The following CPNE8 variants were observed in gnomAD, a reference collection of about 807,000 sequenced individuals.
CPNE8 encodes the protein copine-8.
A neutral mutation model predicts 81.5 loss-of-function variants in CPNE8; 45 were observed. That is an observed-to-expected ratio of 0.55 (90% CI 0.44 to 0.71). The LOEUF (loss-of-function observed/expected upper bound fraction) is 0.71, where lower values mean the gene tolerates loss of function less well. Ranked by LOEUF, CPNE8 falls within the 30% of genes least tolerant of loss-of-function variation. CPNE8 has a pLI of 0.00. For synonymous variants in CPNE8, 252 were observed against 226.3 expected, an observed-to-expected ratio of 1.11 and a Z score of -1.02; for missense variants, 594 against 672.1, an observed-to-expected ratio of 0.88 and a Z score of 1.28.
intron 6 of CPNE8, among the ~76,000 whole-genome samples, chr12:38,778,914 A>C (rs1434652345): frequency 6.6e-6 from 1 of 152,142 alleles, no homozygotes; most frequent in African/African-American, 2.4e-5. Context: ...GGGTCATTGC[A>C]CATGTCAAGA....
chr12:38,690,272 A>C (rs1300122480), intron 15 of CPNE8, among the ~76,000 whole-genome samples: 1 of 152,226 alleles, frequency 6.6e-6, no homozygotes, highest in Non-Finnish European at 1.5e-5. Flanking sequence ...TTCAGTACCT[A>C]CAGATAGATA....
intron 8 of CPNE8, among the ~76,000 whole-genome samples, chr12:38,767,174 G>C (rs2136867352): frequency 6.6e-6 from 1 of 151,990 alleles, no homozygotes; most frequent in East Asian, 1.9e-4. Context: ...ATAGAAACTA[G>C]TCTAATCATA....
intron 3 of CPNE8, among the ~76,000 whole-genome samples, chr12:38,862,686 C>T (rs1046325592): frequency 2.0e-5 from 3 of 152,150 alleles, no homozygotes; most frequent in East Asian, 1.9e-4. Flanking sequence ...CAATGGCTCA[C>T]GCCTGTAATC....
At chr12:38,747,882 GTAATT>G (rs1465588087) in intron 10 of CPNE8, among the ~76,000 whole-genome samples, 5 of 151,826 alleles carry the variant, frequency 3.3e-5, no homozygotes, top group Middle Eastern at 3.2e-3. Flanking sequence ...AAATATGTGA[GTAATT>G]TACATTTCTA....
chr12:38,848,537 C>A (rs188870536), intron 4 of CPNE8, 22 bp downstream of exon 4: 1 of 1,552,160 alleles, frequency 6.4e-7, no homozygotes, highest in Non-Finnish European at 8.6e-7. Flanking sequence ...TTTTTCTAAA[C>A]GCAAGTTTTA....
chr12:38,743,872 G>T (rs935447064), intron 10 of CPNE8, among the ~76,000 whole-genome samples: 4 of 152,116 alleles, frequency 2.6e-5, no homozygotes, highest in Non-Finnish European at 4.4e-5. Context: ...GCACTGAAAT[G>T]TATCTGAGTA....
intron 1 of CPNE8, among the ~76,000 whole-genome samples, chr12:38,883,135 G>C (rs959626116): frequency 2.0e-5 from 3 of 152,162 alleles, no homozygotes; most frequent in Non-Finnish European, 2.9e-5. Flanking sequence ...CTACCAAGTA[G>C]CAATTATTAG....
At chr12:38,868,270 T>C (rs907624898) in intron 3 of CPNE8, among the ~76,000 whole-genome samples, 1 of 152,134 alleles carries the variant, frequency 6.6e-6, no homozygotes, top group Non-Finnish European at 1.5e-5. Flanking sequence ...TTTTAAATTT[T>C]ATTCACTACT....
At chr12:38,654,954 CAT>C (rs1469120035) in intron 19 of CPNE8, among the ~76,000 whole-genome samples, 1 of 152,036 alleles carries the variant, frequency 6.6e-6, no homozygotes, top group Non-Finnish European at 1.5e-5. Flanking sequence ...TCACACAGCT[CAT>C]ATTAATAGGA....
chr12:38,713,424 A>G (rs1243742926), intron 13 of CPNE8, among the ~76,000 whole-genome samples: 1 of 152,186 alleles, frequency 6.6e-6, no homozygotes, highest in East Asian at 1.9e-4. Context: ...GAGGCAATAC[A>G]AAAGCATGTT....
chr12:38,786,006 A>G (rs1942176748), intron 6 of CPNE8, among the ~76,000 whole-genome samples: 1 of 152,162 alleles, frequency 6.6e-6, no homozygotes, highest in Non-Finnish European at 1.5e-5. Flanking sequence ...AAAGAAGAGA[A>G]CACAAAACAA....
intron 13 of CPNE8, among the ~76,000 whole-genome samples, chr12:38,713,747 C>T (rs1003890396): frequency 1.3e-5 from 2 of 152,088 alleles, no homozygotes; most frequent in African/African-American, 2.4e-5. Context: ...ATAAACAAAT[C>T]ATACAAATAA....
chr12:38,664,616 TG>T (rs1285425278), intron 19 of CPNE8, among the ~76,000 whole-genome samples: 1 of 152,170 alleles, frequency 6.6e-6, no homozygotes, highest in Non-Finnish European at 1.5e-5. Flanking sequence ...GATATGCAGA[TG>T]TTTTTTAATT....
intron 19 of CPNE8, among the ~76,000 whole-genome samples, chr12:38,669,558 C>G (rs1939128983): frequency 6.6e-6 from 1 of 152,142 alleles, no homozygotes; most frequent in African/African-American, 2.4e-5. Flanking sequence ...CCTGATAGAG[C>G]AGGAGCACAG....
Position 38,789,166 on chromosome 12 carries a change from A to G in CPNE8, c.408-12865T>C, listed in dbSNP as rs141996843. 3.5e-3 allele frequency among the ~76,000 whole-genome samples: 537 copies of G among 152,126 alleles called. 2 individuals carry two copies. Among genetic ancestry groups the G allele is most frequent in the Non-Finnish European group, 3.9e-3 (264 of 67,896 alleles). ...CAAAACTATCCTAAGCAAAAAGAAC[A>G]AAACTGGAGAAATTACATTACCTGA... On this transcript the variant is annotated intron_variant, in intron 6 of 19. Coordinates refer to ENST00000331366, the MANE Select transcript of CPNE8 (RefSeq NM_153634.3).
intron 10 of CPNE8, among the ~76,000 whole-genome samples, 198 bp from the exon 11 acceptor site, chr12:38,730,556 C>T (rs1940808515): frequency 2.0e-5 from 3 of 151,618 alleles, no homozygotes; most frequent in African/African-American, 7.3e-5. Flanking sequence ...GTATGCCGGA[C>T]AATTTCATTA....
chr12:38,844,983 C>G (rs1305248604), intron 4 of CPNE8, among the ~76,000 whole-genome samples: 2 of 152,008 alleles, frequency 1.3e-5, no homozygotes, highest in African/African-American at 4.8e-5. Flanking sequence ...ATTGATCACA[C>G]AAAATGAGGT....
At chr12:38,761,505 CTT>C (rs1179373275) in intron 9 of CPNE8, among the ~76,000 whole-genome samples, 1 of 152,142 alleles carries the variant, frequency 6.6e-6, no homozygotes, top group Non-Finnish European at 1.5e-5. Flanking sequence ...TCAAAGAAAA[CTT>C]AATAATAGTT....
At chr12:38,890,837 T>C (rs1464157792) in intron 1 of CPNE8, among the ~76,000 whole-genome samples, 1 of 151,324 alleles carries the variant, frequency 6.6e-6, no homozygotes, top group East Asian at 1.9e-4. Flanking sequence ...GTCTCCTTTT[T>C]TTGGGTAGTA....
Sources: allele counts gnomAD v4.1 joint callset (sites outside exome capture counted in the v4.1 genomes callset), GRCh38; gene constraint gnomAD v4.1.1; transcripts MANE v1.5; gene names NCBI Gene and HGNC (gene_info 2026-07-23, HGNC 2026-07-21).